Variants in EYA4 observed in about 807,000 individuals in gnomAD.
The protein encoded by EYA4 is protein phosphatase EYA4.
EYA4 carries 31 observed loss-of-function variants against 87.9 expected under a neutral mutation model. The observed-to-expected ratio is 0.35, with a 90% CI of 0.27 to 0.48. The LOEUF is 0.48. Among genes scored for constraint, EYA4 ranks in the 20% least tolerant of loss-of-function variants. The pLI, the probability that EYA4 is intolerant of heterozygous loss-of-function variation, is 0.99. For missense variants in EYA4, 678 were observed against 761.4 expected (o/e 0.89, Z 1.29); for synonymous variants, 263 against 270.6 (o/e 0.97, Z 0.28).
At chr6:133,455,761 C>T (rs2128642271) in intron 5 of EYA4, among the ~76,000 whole-genome samples, 1 of 152,126 alleles carries the variant, frequency 6.6e-6, no homozygotes, top group South Asian at 2.1e-4. Flanking sequence ...TAAAGCCTTG[C>T]CAACAAAGGG....
In EYA4 at chr6:133,527,555, A is replaced by T. The variant is rs575263895; in HGVS notation, c.1840-1170A>T. Reference sequence around the variant, plus strand: ...AAATAATTGTCTTGATATCTAATTAATGTAAAAATTATTGAAGTCATGTTT... The same window carrying T: ...AAATAATTGTCTTGATATCTAATTATTGTAAAAATTATTGAAGTCATGTTT... On this transcript the variant is annotated intron_variant, in intron 19 of 19. Transcript: ENST00000355286. Among the ~76,000 whole-genome samples, 6 of 152,322 alleles carry T rather than the reference A, an allele frequency of 3.9e-5. No homozygotes were observed. The South Asian group carries it at 1.2e-3, about 32-fold the overall frequency.
chr6:133,298,782 G>A lies in EYA4; in HGVS notation c.33+23969G>A, dbSNP rs184069529. ...TTTGCTAAAAATATGAGGTCGGACC[G>A]TGTGAAACTGCCACTATTTGACTGT... On this transcript the variant is annotated intron_variant, in intron 2 of 19. Coordinates refer to ENST00000355286, the MANE Select transcript of EYA4 (RefSeq NM_004100.5). Among the ~76,000 whole-genome samples the A allele has an allele frequency of 9.2e-5, 14 of 152,276 alleles. No homozygotes were observed. In the East Asian group the frequency reaches 1.4e-3, roughly 15 times the overall value.
At chr6:133,486,431 A>G (rs561584592) in intron 13 of EYA4, among the ~76,000 whole-genome samples, 1 of 152,204 alleles carries the variant, frequency 6.6e-6, no homozygotes, top group African/African-American at 2.4e-5. Flanking sequence ...ACCACAAACC[A>G]TAACTGAAAA....
At chr6:133,362,146 A>C (rs952178186) in intron 2 of EYA4, among the ~76,000 whole-genome samples, 2 of 152,196 alleles carry the variant, frequency 1.3e-5, no homozygotes, top group African/African-American at 4.8e-5. Flanking sequence ...TTAACCCTCA[A>C]GGTTCTTTTA....
intron 2 of EYA4, among the ~76,000 whole-genome samples, chr6:133,279,369 A>G (rs1016018349): frequency 1.3e-5 from 2 of 152,132 alleles, no homozygotes; most frequent in African/African-American, 4.8e-5. Flanking sequence ...GCATGATTTT[A>G]TTAGTGACAT....
chr6:133,489,728 CA>C (rs1458148093), intron 13 of EYA4, among the ~76,000 whole-genome samples: 1 of 152,030 alleles, frequency 6.6e-6, no homozygotes, highest in Non-Finnish European at 1.5e-5. Context: ...GTGATTTCAT[CA>C]ACACTGGATT....
chr6:133,294,023 TTATA>T (rs71771244), intron 2 of EYA4, among the ~76,000 whole-genome samples: 13,836 of 77,702 alleles, frequency 0.18, 1,635 homozygotes, highest in Middle Eastern at 0.27. Flanking sequence ...TAGGGTGATT[TTATA>T]TATATATATA....
At chr6:133,505,885 C>T (rs1334242690) in intron 13 of EYA4, among the ~76,000 whole-genome samples, 1 of 152,146 alleles carries the variant, frequency 6.6e-6, no homozygotes, top group Admixed American at 6.5e-5. Flanking sequence ...TATGCTGAGT[C>T]ATCGTTACGT....
At chr6:133,480,138 A>G (rs544608975) in intron 11 of EYA4, among the ~76,000 whole-genome samples, 2 of 152,314 alleles carry the variant, frequency 1.3e-5, no homozygotes, top group Admixed American at 1.3e-4. Flanking sequence ...GAATTCTGAC[A>G]TACTAGCTCA....
intron 2 of EYA4, among the ~76,000 whole-genome samples, chr6:133,289,465 A>G (rs1778316651): frequency 6.6e-6 from 1 of 152,204 alleles, no homozygotes; most frequent in South Asian, 2.1e-4. Context: ...TTTTAGCAAA[A>G]TATCTCTCAT....
intron 3 of EYA4, among the ~76,000 whole-genome samples, chr6:133,419,857 C>T (rs1790067656): frequency 6.6e-6 from 1 of 152,150 alleles, no homozygotes; most frequent in Non-Finnish European, 1.5e-5. Flanking sequence ...GCAGCCAGTA[C>T]ATGGTGGGCA....
At chr6:133,377,737 T>G (rs1785829063) in intron 2 of EYA4, among the ~76,000 whole-genome samples, 1 of 152,022 alleles carries the variant, frequency 6.6e-6, no homozygotes, top group African/African-American at 2.4e-5. Context: ...AGGATTCCTT[T>G]AATGACTGAT....
At chr6:133,435,812 G>T (rs1369917948) in intron 3 of EYA4, among the ~76,000 whole-genome samples, 5 of 151,670 alleles carry the variant, frequency 3.3e-5, no homozygotes, top group Non-Finnish European at 7.4e-5. Context: ...TTTCCTCTTT[G>T]ACTCTAAAGT....
At chr6:133,247,299 G>C (rs1411730484) in intron 1 of EYA4, 1 of 152,162 alleles carries the variant, frequency 6.6e-6, no homozygotes, top group Non-Finnish European at 1.5e-5. Flanking sequence ...CTTATGACCA[G>C]ATCTTTTAAA....
At chr6:133,388,959 A>G (rs544197309) in intron 3 of EYA4, among the ~76,000 whole-genome samples, 2 of 152,194 alleles carry the variant, frequency 1.3e-5, no homozygotes, top group Admixed American at 1.3e-4. Context: ...CTCGGTGTGC[A>G]TGAGCTGCTG....
chr6:133,305,516 G>A lies in EYA4; in HGVS notation c.33+30703G>A, dbSNP rs1200381416. ...AAGGAATTAATAAATGTCAGCTAGC[G>A]TTTGACTGTTAAAGCTTCTATCTAT... On this transcript the variant is annotated intron_variant, in intron 2 of 19. Transcript: ENST00000355286. Among the ~76,000 whole-genome samples the A allele has an allele frequency of 5.3e-5, 8 of 152,158 alleles. No individual in the cohort carries two copies. In the South Asian group the frequency reaches 8.3e-4, roughly 16 times the overall value.
At chr6:133,258,586 C>T (rs189768182) in intron 1 of EYA4, among the ~76,000 whole-genome samples, 69 of 152,208 alleles carry the variant, frequency 4.5e-4, no homozygotes, top group Non-Finnish European at 5.9e-4. Context: ...GACACCTGCC[C>T]TCCTCCCCTT....
intron 2 of EYA4, among the ~76,000 whole-genome samples, chr6:133,332,711 A>ATTTTTTTTTTTTT (rs71003634): frequency 2.0e-3 from 254 of 124,846 alleles, no homozygotes; most frequent in Non-Finnish European, 3.0e-3. Flanking sequence ...GCCCAGCTAA[A>ATTTTTTTTTTTTT]TTTTTTTTTT....
chr6:133,495,268 C>CA (rs541577655), intron 13 of EYA4, among the ~76,000 whole-genome samples: 2,533 of 148,420 alleles, frequency 0.017, 68 homozygotes, highest in African/African-American at 0.06. Context: ...GACTCTGTCT[C>CA]AAAAAAAAGA....
Sources: gnomAD v4.1 joint callset for allele counts (sites outside exome capture counted in the v4.1 genomes callset) on GRCh38, gnomAD v4.1.1 for gene constraint, MANE v1.5 for transcripts, NCBI Gene and HGNC (gene_info 2026-07-23, HGNC 2026-07-21) for gene names.